Variants in IQSEC3 observed in about 807,000 individuals in gnomAD.
IQSEC3 encodes IQ motif and SEC7 domain-containing protein 3.
Under a neutral mutation model 105.4 loss-of-function variants are expected in IQSEC3, and 50 were observed. The ratio of observed to expected loss-of-function variants is 0.47; its 90% CI spans 0.38 to 0.60. The LOEUF is 0.60. Ranked by LOEUF, IQSEC3 falls within the 20% of genes least tolerant of loss-of-function variation. The pLI, the probability that IQSEC3 is intolerant of heterozygous loss-of-function variation, is 0.00. For missense variants in IQSEC3, 1,415 were observed against 1,630.0 expected (o/e 0.87, Z 2.27); for synonymous variants, 708 against 746.0 (o/e 0.95, Z 0.83).
At chr12:173,984 TG>T (rs1939140236) in intron 13 of IQSEC3, among the ~76,000 whole-genome samples, 1 of 152,186 alleles carries the variant, frequency 6.6e-6, no homozygotes. Flanking sequence ...GAATGGCAGC[TG>T]GGGAGCTGAC....
chr12:99,241 C>T (rs781786299), intron 2 of IQSEC3, 27 bp downstream of exon 2: 1 of 1,590,080 alleles, frequency 6.3e-7, no homozygotes, highest in Non-Finnish European at 8.5e-7. Context: ...TTCCTCCCTT[C>T]CGCATCCCCA....
chr12:149,935 G>A (rs1174039179), intron 5 of IQSEC3, among the ~76,000 whole-genome samples: 1 of 152,224 alleles, frequency 6.6e-6, no homozygotes, highest in Non-Finnish European at 1.5e-5. Context: ...CACTAGGGAT[G>A]TGGGGAGCCC....
At chr12:123,604 C>T (rs985098803) in intron 2 of IQSEC3, among the ~76,000 whole-genome samples, 1 of 152,106 alleles carries the variant, frequency 6.6e-6, no homozygotes, top group Non-Finnish European at 1.5e-5. Flanking sequence ...GCCAGAGGTG[C>T]AGGAGAGTGC....
chr12:138,563 C>T lies in IQSEC3; in HGVS notation c.1200C>T (p.Asp400=), dbSNP rs782431596. 6.3e-7 allele frequency: 1 copy of T among 1,584,690 alleles called. No homozygotes were observed. The highest frequency in any genetic ancestry group is 1.3e-5 in the African/African-American group (1 of 74,518). Residue 400 remains aspartate (D), a synonymous_variant, in exon 4 of 14, where the codon GAC becomes GAT. Transcript: ENST00000538872. The surrounding 1 kb of genome is among the most constrained non-coding windows in gnomAD (Gnocchi z 7.1). ...TFAGTLTELE[D]SFTEQVQSLA... ...CAGGCACCCTCACCGAGCTGGAGGACTCCTTCACCGAGCAGGTGCAATCCC... is the reference window on the plus strand; with the variant it reads ...CAGGCACCCTCACCGAGCTGGAGGATTCCTTCACCGAGCAGGTGCAATCCC...
At chr12:154,773 C>G (rs868993775) in intron 5 of IQSEC3, among the ~76,000 whole-genome samples, 2 of 152,168 alleles carry the variant, frequency 1.3e-5, no homozygotes, top group Non-Finnish European at 1.5e-5. Flanking sequence ...CGCCTTCCTC[C>G]CTGTCTCTGT....
chr12:171,883 A>G (rs80017941), intron 13 of IQSEC3, among the ~76,000 whole-genome samples: 9,087 of 152,172 alleles, frequency 0.06, 338 homozygotes, highest in Middle Eastern at 0.1. Context: ...CATGCCATAC[A>G]GTGAGGGACT....
rs1939188827 is a variant in IQSEC3 at position 174,898 on chromosome 12, C to A, written c.3414C>A (p.Gly1138=). Residue 1138 remains glycine, a synonymous_variant, in exon 14 of 14, where the codon GGC becomes GGA. Coordinates refer to ENST00000538872, the MANE Select transcript of IQSEC3 (RefSeq NM_001170738.2). Reference sequence around the variant, plus strand: ...GCTCCACACCCCTGGGCGGTCCCGGCTCTCCGGTCAAGGTCACCCACCAGC... The same window carrying A: ...GCTCCACACCCCTGGGCGGTCCCGGATCTCCGGTCAAGGTCACCCACCAGC... ...SCGSTPLGGP[G]SPVKVTHQPP... 2 of 1,561,748 alleles carry A rather than the reference C, an allele frequency of 1.3e-6. No individual in the cohort carries two copies. The highest frequency in any genetic ancestry group is 1.7e-6 in the Non-Finnish European group (2 of 1,162,020).
At chr12:68,650 T>A (rs1297105841) in intron 1 of IQSEC3, among the ~76,000 whole-genome samples, 1 of 152,270 alleles carries the variant, frequency 6.6e-6, no homozygotes, top group Non-Finnish European at 1.5e-5. Context: ...ACCTTGACAA[T>A]GGTGATGCAT....
In IQSEC3 at chr12:125,906, T is replaced by C. The variant is rs1230999714; in HGVS notation, c.897T>C (p.Asn299=). ...SDYELSLDLK[N]KQIEMLEHKY... Reference sequence around the variant, plus strand: ...ACGAACTCTCCCTTGACCTAAAGAATAAACAGGTACCCAGGGCCTCCTAGG... The same window carrying C: ...ACGAACTCTCCCTTGACCTAAAGAACAAACAGGTACCCAGGGCCTCCTAGG... Residue 299 remains asparagine (N), a synonymous_variant, in exon 3 of 14, where the codon AAT becomes AAC. Transcript: ENST00000538872. 9 of 1,532,964 alleles carry C rather than the reference T, an allele frequency of 5.9e-6. No individual in the cohort carries two copies. Among genetic ancestry groups the C allele is most frequent in the Non-Finnish European group, 7.9e-6 (9 of 1,146,180 alleles). The allele number at this position is 1,532,964 out of a possible 1,614,324, so 95.0% of individuals were successfully genotyped here. A position where few individuals can be genotyped will look rare whatever the true frequency, so the allele number is the denominator to read the frequency against.
chr12:122,688 G>C (rs1414639112), intron 2 of IQSEC3, among the ~76,000 whole-genome samples: 2 of 152,182 alleles, frequency 1.3e-5, no homozygotes, highest in Non-Finnish European at 2.9e-5. Flanking sequence ...GTGCCTCAGA[G>C]TTGTCCCGTG....
intron 1 of IQSEC3, among the ~76,000 whole-genome samples, chr12:94,411 C>A (rs1290180491): frequency 6.6e-6 from 1 of 152,210 alleles, no homozygotes; most frequent in Non-Finnish European, 1.5e-5. Flanking sequence ...CCAGGCTGGT[C>A]AAAGGCAGGC....
intron 3 of IQSEC3, among the ~76,000 whole-genome samples, chr12:132,592 A>T (rs1488463436): frequency 6.6e-6 from 1 of 152,066 alleles, no homozygotes; most frequent in Non-Finnish European, 1.5e-5. Flanking sequence ...TGATTGCAAA[A>T]GGTATAGGGG....
intron 5 of IQSEC3, among the ~76,000 whole-genome samples, chr12:146,652 TC>T (rs1866285059): frequency 1.5e-5 from 2 of 130,972 alleles, no homozygotes; most frequent in African/African-American, 5.8e-5. Flanking sequence ...GGAGCCTGTC[TC>T]AAAAAAGAAG....
chr12:137,419 A>G (rs1865810271), intron 3 of IQSEC3: 1 of 151,850 alleles, frequency 6.6e-6, no homozygotes, highest in Non-Finnish European at 1.5e-5. Context: ...TTCATTGTTT[A>G]TTGTTTTAAA....
intron 1 of IQSEC3, among the ~76,000 whole-genome samples, chr12:90,540 A>T (rs1864051182): frequency 6.6e-6 from 1 of 152,116 alleles, no homozygotes; most frequent in East Asian, 1.9e-4. Flanking sequence ...ATTTTTTTGC[A>T]TCTGGATATC....
intron 2 of IQSEC3, among the ~76,000 whole-genome samples, chr12:101,376 T>G (rs1163814343): frequency 6.6e-6 from 1 of 152,162 alleles, no homozygotes; most frequent in Non-Finnish European, 1.5e-5. Context: ...TTCCAGGGTT[T>G]GAGGTGGATG....
intron 4 of IQSEC3, 176 bp from the exon 5 acceptor site, chr12:140,948 C>A: frequency 1.6e-6 from 1 of 609,502 alleles, no homozygotes. Flanking sequence ...CTTCTGGTCA[C>A]ACACCATCCT....
chr12:89,138 CT>C (rs1864006546), intron 1 of IQSEC3, among the ~76,000 whole-genome samples: 1 of 152,152 alleles, frequency 6.6e-6, no homozygotes, highest in Non-Finnish European at 1.5e-5. Flanking sequence ...ACTCTCAGTC[CT>C]TAGGCCCAGG....
At chr12:159,130 G>T (rs1206994008) in intron 7 of IQSEC3, among the ~76,000 whole-genome samples, 2 of 152,228 alleles carry the variant, frequency 1.3e-5, no homozygotes, top group Non-Finnish European at 2.9e-5. Context: ...CAGAATGATT[G>T]CAACTCCCTT....
Sources: gnomAD v4.1 joint callset for allele counts (sites outside exome capture counted in the v4.1 genomes callset) on GRCh38, gnomAD v4.1.1 for gene constraint, Gnocchi (gnomAD v3.1) non-coding constraint, MANE v1.5 for transcripts, NCBI Gene and HGNC (gene_info 2026-07-23, HGNC 2026-07-21) for gene names.